Variants in STXBP4 observed in about 807,000 individuals in gnomAD.
The protein encoded by STXBP4 is syntaxin-binding protein 4.
In STXBP4, 55 loss-of-function variants were observed where a neutral mutation model predicts 76.1. That is an observed-to-expected ratio of 0.72 (90% confidence interval 0.58 to 0.91). The LOEUF (loss-of-function observed/expected upper bound fraction) is 0.91. STXBP4 is among the 40% of genes least tolerant of loss of function. The probability of loss-of-function intolerance (pLI) is 0.00; values close to 1 mark genes in which losing one functional copy is unlikely to be tolerated. For synonymous variants in STXBP4, 201 were observed against 220.2 expected (o/e 0.91, Z 0.77); for missense variants, 618 against 636.9 (o/e 0.97, Z 0.32).
intron 16 of STXBP4, among the ~76,000 whole-genome samples, chr17:55,136,690 C>G (rs56263416): frequency 1.1e-3 from 174 of 152,166 alleles, no homozygotes; most frequent in African/African-American, 3.9e-3. Context: ...GCCCCCACCC[C>G]CAATAGCTGG....
intron 13 of STXBP4, among the ~76,000 whole-genome samples, chr17:55,074,343 C>T (rs1371811330): frequency 6.6e-6 from 1 of 152,094 alleles, no homozygotes; most frequent in African/African-American, 2.4e-5. Context: ...TTTGATAATA[C>T]CACAAGGCGA....
intron 8 of STXBP4, among the ~76,000 whole-genome samples, chr17:55,017,212 T>A (rs1300945557): frequency 2.6e-5 from 4 of 152,198 alleles, no homozygotes; most frequent in Non-Finnish European, 5.9e-5. Context: ...CTTTTTCTCC[T>A]CTGTCTCTTT....
intron 16 of STXBP4, among the ~76,000 whole-genome samples, chr17:55,118,358 C>A (rs1165889908): frequency 2.0e-5 from 3 of 151,848 alleles, no homozygotes; most frequent in African/African-American, 7.3e-5. Flanking sequence ...CAGACTGAAG[C>A]AAAGAGCTGC....
At chr17:55,090,536 C>A (rs866569802) in intron 16 of STXBP4, among the ~76,000 whole-genome samples, 2 of 152,230 alleles carry the variant, frequency 1.3e-5, no homozygotes, top group Middle Eastern at 6.8e-3. Flanking sequence ...TCTACACATT[C>A]TTTAAAAGGT....
chr17:55,155,617 A>G (rs1346475777), intron 17 of STXBP4, among the ~76,000 whole-genome samples: 1 of 151,888 alleles, frequency 6.6e-6, no homozygotes, highest in Admixed American at 6.6e-5. Context: ...ACAATGATGT[A>G]TAAATAGTGC....
At chr17:55,074,743 G>A (rs938422836) in intron 13 of STXBP4, among the ~76,000 whole-genome samples, 3 of 151,462 alleles carry the variant, frequency 2.0e-5, no homozygotes, top group Non-Finnish European at 2.9e-5. Context: ...TATCATAATC[G>A]GGTTCTCATG....
intron 16 of STXBP4, among the ~76,000 whole-genome samples, chr17:55,137,275 C>G (rs1264921432): frequency 7.4e-6 from 1 of 135,644 alleles, no homozygotes; most frequent in African/African-American, 2.7e-5. Flanking sequence ...CCTCCATGTT[C>G]CCTCCCTCCC....
In STXBP4 at chr17:54,990,953, A is replaced by G; in HGVS notation, c.176A>G (p.Tyr59Cys). Residue 59 changes from tyrosine to cysteine, a missense_variant, in exon 4 of 18, where the codon TAT becomes TGT. Tyr to Cys is a radical substitution (Grantham distance 194). Transcript: ENST00000376352. ...GAAATTATTCCTGGAGGAGACTGTT[A>G]TAAGGTAAAAATATGTCCCATGCCC... The part of the protein sequence containing the change: ...IQEIIPGGDC[Y>C]KDGRLKPGDQ... 6.4e-7 allele frequency: 1 copy of G among 1,564,474 alleles called. No individual in the cohort carries two copies. Among genetic ancestry groups the G allele is most frequent in the Non-Finnish European group, 8.6e-7 (1 of 1,162,148 alleles).
intron 16 of STXBP4, among the ~76,000 whole-genome samples, chr17:55,083,627 G>A (rs2079286375): frequency 6.6e-6 from 1 of 152,156 alleles, no homozygotes; most frequent in African/African-American, 2.4e-5. Context: ...TCAGATGTCT[G>A]TTGGGGATGC....
At chr17:54,975,505 A>G (rs1598141738) in intron 1 of STXBP4, among the ~76,000 whole-genome samples, 1 of 152,176 alleles carries the variant, frequency 6.6e-6, no homozygotes, top group African/African-American at 2.4e-5. Context: ...AGCACAGTCT[A>G]ATTACGTGAT....
intron 12 of STXBP4, among the ~76,000 whole-genome samples, chr17:55,057,833 T>C (rs970280794): frequency 1.3e-5 from 2 of 152,204 alleles, no homozygotes; most frequent in African/African-American, 4.8e-5. Flanking sequence ...GTTAGTTTGC[T>C]GAGAATGATG....
chr17:55,125,320 C>G lies in STXBP4; in HGVS notation c.1490-15990C>G, dbSNP rs1252834042. Among the ~76,000 whole-genome samples, 3 of 151,922 alleles carry G rather than the reference C, an allele frequency of 2.0e-5. No individual in the cohort carries two copies. In the East Asian group the frequency reaches 5.8e-4, roughly 29 times the overall value. ...AAAGCTCTGAAACCATTTTTGGTGT[C>G]AGTATCCAATTTGTAACATGAGACA... On this transcript the variant is annotated intron_variant, in intron 16 of 17. Coordinates refer to ENST00000376352, the MANE Select transcript of STXBP4 (RefSeq NM_178509.6).
At chr17:55,151,979 G>A (rs986053488) in intron 17 of STXBP4, among the ~76,000 whole-genome samples, 1 of 152,196 alleles carries the variant, frequency 6.6e-6, no homozygotes, top group Non-Finnish European at 1.5e-5. Context: ...AGGACTAGTA[G>A]TGTTAGTTAT....
chr17:55,035,674 G>A (rs1278794830), intron 10 of STXBP4, among the ~76,000 whole-genome samples: 1 of 151,576 alleles, frequency 6.6e-6, no homozygotes, highest in African/African-American at 2.4e-5. Flanking sequence ...CATAACTTTT[G>A]ATCAATCATT....
intron 16 of STXBP4, among the ~76,000 whole-genome samples, chr17:55,085,311 A>T (rs12939887): frequency 6.6e-6 from 1 of 151,942 alleles, no homozygotes; most frequent in Non-Finnish European, 1.5e-5. Flanking sequence ...ATACATATGT[A>T]ACTAACCTGC....
chr17:55,041,838 C>T (rs556810911), intron 10 of STXBP4, among the ~76,000 whole-genome samples: 1 of 152,224 alleles, frequency 6.6e-6, no homozygotes, highest in Admixed American at 6.5e-5. Context: ...CCACTACCAC[C>T]ATCACTACCA....
intron 10 of STXBP4, among the ~76,000 whole-genome samples, chr17:55,040,493 ACTGTTT>A (rs1220897621): frequency 1.3e-5 from 2 of 152,174 alleles, no homozygotes; most frequent in African/African-American, 4.8e-5. Context: ...CTGTTTTGTA[ACTGTTT>A]CTGTTTAAAA....
intron 3 of STXBP4, among the ~76,000 whole-genome samples, chr17:54,987,215 A>G (rs1346750295): frequency 1.3e-5 from 2 of 152,216 alleles, no homozygotes; most frequent in African/African-American, 2.4e-5. Context: ...AACAAGGCAT[A>G]TTAAAAAAAA....
intron 16 of STXBP4, among the ~76,000 whole-genome samples, chr17:55,122,693 CAAG>C (rs928910657): frequency 4.6e-5 from 7 of 152,172 alleles, no homozygotes; most frequent in African/African-American, 1.7e-4. Context: ...AAAATTATAA[CAAG>C]AAGCACTCAA....
Sources: allele counts gnomAD v4.1 joint callset (sites outside exome capture counted in the v4.1 genomes callset), GRCh38; gene constraint gnomAD v4.1.1; transcripts MANE v1.5; gene names NCBI Gene and HGNC (gene_info 2026-07-23, HGNC 2026-07-21).